RBFOX1: variants seen among roughly 807,000 people sequenced by gnomAD.
RBFOX1 encodes the protein RNA binding protein fox-1 homolog 1.
In RBFOX1, 8 loss-of-function variants were observed where a neutral mutation model predicts 57.7. The observed-to-expected ratio is 0.14, with a 90% CI of 0.08 to 0.25. RBFOX1 has a LOEUF of 0.25. RBFOX1 is among the 10% of genes least tolerant of loss of function. The probability of loss-of-function intolerance (pLI) is 1.00; values close to 1 mark genes in which losing one functional copy is unlikely to be tolerated. For missense variants in RBFOX1, 611 were observed against 548.5 expected (o/e 1.11, Z -1.14); for synonymous variants, 326 against 222.4 (o/e 1.47, Z -4.15).
chr16:5,473,004 C>T (rs904205680), intron 2 of RBFOX1, among the ~76,000 whole-genome samples: 35 of 152,164 alleles, frequency 2.3e-4, no homozygotes, highest in African/African-American at 8.2e-4. Flanking sequence ...GCTCCAGTCA[C>T]CTTTCTGACA....
At chr16:6,946,830 G>A (rs188863601) in intron 3 of RBFOX1, among the ~76,000 whole-genome samples, 1 of 152,274 alleles carries the variant, frequency 6.6e-6, no homozygotes, top group African/African-American at 2.4e-5. Flanking sequence ...CTGGTCTCCA[G>A]TTTCTGAATC....
At chr16:5,296,074 C>T (rs890938447) in intron 1 of RBFOX1, among the ~76,000 whole-genome samples, 11 of 95,430 alleles carry the variant, frequency 1.2e-4, no homozygotes, top group Admixed American at 4.0e-4. Flanking sequence ...CCATTGCGCC[C>T]GGGTTCCCCC....
intron 3 of RBFOX1, among the ~76,000 whole-genome samples, chr16:6,821,175 G>A (rs2091231411): frequency 6.6e-6 from 1 of 152,120 alleles, no homozygotes; most frequent in Non-Finnish European, 1.5e-5. Flanking sequence ...TCTCTTTGCT[G>A]GAAGGCACTC....
At position 7,234,610 on chromosome 16, in the gene RBFOX1, A is replaced by G. The variant is rs77384230; in HGVS notation, c.27+182512A>G. Reference sequence around the variant, plus strand: ...CATATGTGTGTGTGTGTGTGTGTGTATATATATGTTTGTATGTGCTTGTGT... The same window carrying G: ...CATATGTGTGTGTGTGTGTGTGTGTGTATATATGTTTGTATGTGCTTGTGT... On this transcript the variant is annotated intron_variant, in intron 4 of 15. Transcript: ENST00000550418. 6.0e-3 allele frequency among the ~76,000 whole-genome samples: 695 copies of G among 115,292 alleles called. 3 individuals are homozygous for G. Among genetic ancestry groups the G allele is most frequent in the East Asian group, 0.017 (51 of 2,986 alleles). 75.6% of individuals were successfully genotyped at this position (115,292 alleles called of 152,430 possible).
chr16:6,060,788 G>A (rs1355964768), intron 1 of RBFOX1, among the ~76,000 whole-genome samples: 2 of 152,202 alleles, frequency 1.3e-5, no homozygotes, highest in Non-Finnish European at 2.9e-5. Context: ...AGTTACCCCA[G>A]AAGAACTGAA....
intron 2 of RBFOX1, among the ~76,000 whole-genome samples, chr16:6,462,946 C>G (rs183198076): frequency 1.8e-4 from 27 of 152,154 alleles, no homozygotes; most frequent in Non-Finnish European, 2.6e-4. Context: ...TCTATTAATT[C>G]TTCGTATCTT....
chr16:5,908,151 TATACAC>T (rs2058513799), intron 4 of RBFOX1, among the ~76,000 whole-genome samples: 1 of 130,212 alleles, frequency 7.7e-6, no homozygotes, highest in African/African-American at 2.7e-5. Context: ...TATACACATA[TATACAC>T]ATATATATAC....
intron 1 of RBFOX1, among the ~76,000 whole-genome samples, chr16:6,053,583 C>G (rs2095579083): frequency 6.6e-6 from 1 of 152,178 alleles, no homozygotes; most frequent in Non-Finnish European, 1.5e-5. Context: ...ACAGTTTTAT[C>G]TAATGGGGAA....
At chr16:6,724,671 A>C (rs2066769780) in intron 3 of RBFOX1, among the ~76,000 whole-genome samples, 2 of 152,138 alleles carry the variant, frequency 1.3e-5, no homozygotes, top group African/African-American at 2.4e-5. Context: ...ATAGACTAAG[A>C]CTGCCTCAAA....
downstream of RBFOX1, among the ~76,000 whole-genome samples, chr16:5,603,225 G>A (rs568883536): frequency 6.6e-6 from 1 of 152,224 alleles, no homozygotes; most frequent in Admixed American, 6.5e-5. Flanking sequence ...ATAACAGCTA[G>A]CATCTTTGGG....
Position 6,820,701 on chromosome 16 carries a change from T to A in RBFOX1, c.-16+166051T>A, listed in dbSNP as rs563922999. On this transcript the variant is annotated intron_variant, in intron 3 of 15. Transcript: ENST00000550418. ...AAACAAACAAACAAAAACCGAAAAC[T>A]GCAGTGCATTCTCATTCTTAGAAGA... Among the ~76,000 whole-genome samples, 14 of 151,788 alleles carry A rather than the reference T, an allele frequency of 9.2e-5. No individual in the cohort carries two copies. The East Asian group carries it at 2.3e-3, about 25-fold the overall frequency.
intron 3 of RBFOX1, among the ~76,000 whole-genome samples, chr16:6,747,298 T>C (rs919572943): frequency 4.6e-5 from 7 of 151,914 alleles, no homozygotes; most frequent in Non-Finnish European, 8.8e-5. Flanking sequence ...TCCCAGCTAC[T>C]CAAGAGGCTG....
At chr16:6,643,691 GC>G in intron 2 of RBFOX1, among the ~76,000 whole-genome samples, 1 of 152,176 alleles carries the variant, frequency 6.6e-6, no homozygotes, top group East Asian at 1.9e-4. Flanking sequence ...TCTCCCTTAT[GC>G]TTTTAATCAT....
rs34468596 is a variant in RBFOX1 at position 7,610,118 on chromosome 16, C to CTTTTT, written c.676+2797_676+2801dup. Among the ~76,000 whole-genome samples the CTTTTT allele has an allele frequency of 1.6e-3, 102 of 65,602 alleles. 12 individuals carry two copies. The highest frequency in any genetic ancestry group is 7.5e-3 in the African/African-American group (93 of 12,422). The allele number at this position is 65,602 out of a possible 152,430, so 43.0% of individuals were successfully genotyped here. On this transcript the variant is annotated intron_variant, in intron 10 of 15. Transcript: ENST00000550418. The stretch of plus-strand genomic sequence containing the variant: ...GGTGTGAGCCACTGCGCCCGGCCCC[C>CTTTTT]TTTTTTTTTTTTTTTTTTTTTGAGG...
At chr16:7,086,719 T>G (rs1052814295) in intron 4 of RBFOX1, among the ~76,000 whole-genome samples, 3 of 13,932 alleles carry the variant, frequency 2.2e-4, no homozygotes, top group Admixed American at 5.9e-4. Flanking sequence ...GGGAAGAATG[T>G]ATACACACAC....
intron 4 of RBFOX1, among the ~76,000 whole-genome samples, chr16:5,903,208 G>A (rs998754095): frequency 6.6e-6 from 1 of 152,100 alleles, no homozygotes; most frequent in African/African-American, 2.4e-5. Context: ...TGTTTCAGAA[G>A]ACAGTCTCCT....
At chr16:7,186,514 A>G (rs1272263377) in intron 4 of RBFOX1, among the ~76,000 whole-genome samples, 1 of 130,522 alleles carries the variant, frequency 7.7e-6, no homozygotes, top group African/African-American at 3.1e-5. Flanking sequence ...AAGCATAAAC[A>G]TATTTATATA....
intron 3 of RBFOX1, among the ~76,000 whole-genome samples, chr16:5,749,542 T>C (rs1357621521): frequency 2.0e-5 from 3 of 152,230 alleles, no homozygotes; most frequent in Admixed American, 2.0e-4. Flanking sequence ...TAGTCCCATA[T>C]TTCTTGGAGG....
intron 1 of RBFOX1, among the ~76,000 whole-genome samples, chr16:6,213,680 G>A (rs1396452011): frequency 1.3e-5 from 2 of 152,182 alleles, no homozygotes; most frequent in South Asian, 2.1e-4. Context: ...AAGAAATACT[G>A]GATGGTTTAA....
Sources: allele counts gnomAD v4.1 joint callset (sites outside exome capture counted in the v4.1 genomes callset), GRCh38; gene constraint gnomAD v4.1.1; transcripts MANE v1.5; gene names NCBI Gene and HGNC (gene_info 2026-07-23, HGNC 2026-07-21).